GPR139: variants seen among roughly 807,000 people sequenced by gnomAD.
The protein encoded by GPR139 is G protein-coupled receptor 139, also known as probable G protein-coupled receptor 139.
In GPR139, 12 loss-of-function variants were observed where a neutral mutation model predicts 25.8. That is an observed-to-expected ratio of 0.47 (90% CI 0.30 to 0.75). The LOEUF is 0.75. Among genes scored for constraint, GPR139 ranks in the 30% least tolerant of loss-of-function variants. The pLI is 0.07. For synonymous variants in GPR139, 184 were observed against 179.9 expected (o/e 1.02, Z -0.18); for missense variants, 380 against 450.2 (o/e 0.84, Z 1.41).
rs573627617 is a variant in GPR139, at chr16:20,031,629, G to A, written c.*106C>T. 1.2e-6 allele frequency: 1 copy of A among 833,100 alleles called. No homozygotes were observed. The highest frequency in any genetic ancestry group is 1.7e-5 in the African/African-American group (1 of 59,050). The allele number at this position is 833,100 out of a possible 1,614,324, so 51.6% of individuals were successfully genotyped here. A position where few individuals can be genotyped will look rare whatever the true frequency, so the allele number is the denominator to read the frequency against. On this transcript the variant is annotated 3_prime_UTR_variant, in exon 2 of 2. Transcript: ENST00000570682. Reference sequence around the variant, plus strand: ...AGAATTGCCCAGTCTGCGGGAGACAGGAAATCGGATTAGCACTCTTAAGGA... The same window carrying A: ...AGAATTGCCCAGTCTGCGGGAGACAAGAAATCGGATTAGCACTCTTAAGGA...
rs1458665150 is a variant in GPR139 at position 20,028,663 on chromosome 16, G to T, written c.*3072C>A. On this transcript the variant is annotated 3_prime_UTR_variant, in exon 2 of 2. Transcript: ENST00000570682. Reference sequence around the variant, plus strand: ...CACAAGTTCGTGCCCACTCCGGTCTGTCTTTTATGGTTTGTCTGTCATTCC... The same window carrying T: ...CACAAGTTCGTGCCCACTCCGGTCTTTCTTTTATGGTTTGTCTGTCATTCC... Among the ~76,000 whole-genome samples, 2 of 152,144 alleles carry T rather than the reference G, an allele frequency of 1.3e-5. No homozygotes were observed. Among genetic ancestry groups the T allele is most frequent in the African/African-American group, 4.8e-5 (2 of 41,448 alleles).
chr16:20,037,022 A>G (rs2057312334), intron 1 of GPR139, among the ~76,000 whole-genome samples: 1 of 152,238 alleles, frequency 6.6e-6, no homozygotes, highest in African/African-American at 2.4e-5. Flanking sequence ...AGGGAGACAG[A>G]CAATAAATAA....
intron 1 of GPR139, among the ~76,000 whole-genome samples, chr16:20,046,778 G>GA (rs1301928793): frequency 2.0e-5 from 3 of 152,016 alleles, no homozygotes; most frequent in Admixed American, 1.3e-4. Context: ...TTAAAACAAA[G>GA]AAAAAAATGG....
chr16:20,072,220 G>A (rs1317431375), intron 1 of GPR139, among the ~76,000 whole-genome samples: 2 of 152,166 alleles, frequency 1.3e-5, no homozygotes, highest in Admixed American at 6.6e-5. Flanking sequence ...CACTGGCTTG[G>A]GGAGAGAGGC....
chr16:20,036,896 C>A (rs1305333770), intron 1 of GPR139, among the ~76,000 whole-genome samples: 1 of 152,184 alleles, frequency 6.6e-6, no homozygotes, highest in Non-Finnish European at 1.5e-5. Flanking sequence ...AGAGTCCATT[C>A]ATGCAGCAAA....
Position 20,037,071 on chromosome 16 carries a change from A to G in GPR139, c.128-4402T>C, listed in dbSNP as rs1434157182. Reference sequence around the variant, plus strand: ...TGCACAACAGAATGTCAGATGTGATACTAGGAAGAATAACACCAAGGGATG... The same window carrying G: ...TGCACAACAGAATGTCAGATGTGATGCTAGGAAGAATAACACCAAGGGATG... On this transcript the variant is annotated intron_variant, in intron 1 of 1. Transcript: ENST00000570682. Among the ~76,000 whole-genome samples the G allele has an allele frequency of 2.0e-5, 3 of 152,218 alleles. No homozygotes were observed. The East Asian group carries it at 5.8e-4, about 29-fold the overall frequency.
At position 20,031,515 on chromosome 16, in the gene GPR139, A is replaced by T. The variant is rs901439587; in HGVS notation, c.*220T>A. ...CAAACTGGTAGGAGCTTTTGCTGTC[A>T]TTACGACTCTGTGGAAATAAATGCA... On this transcript the variant is annotated 3_prime_UTR_variant, in exon 2 of 2. Coordinates refer to ENST00000570682, the MANE Select transcript of GPR139 (RefSeq NM_001002911.4). 18 of 566,116 alleles carry T rather than the reference A, an allele frequency of 3.2e-5. No individual in the cohort carries two copies. Among genetic ancestry groups the T allele is most frequent in the Admixed American group, 6.1e-5 (2 of 32,652 alleles). The allele number at this position is 566,116 out of a possible 1,614,324, so 35.1% of individuals were successfully genotyped here.
chr16:20,063,209 C>T (rs1019642293), intron 1 of GPR139, among the ~76,000 whole-genome samples: 9 of 152,212 alleles, frequency 5.9e-5, no homozygotes, highest in Admixed American at 2.6e-4. Flanking sequence ...CACAAATCAG[C>T]CTCCCTTCCC....
chr16:20,072,302 A>C (rs1388001291), intron 1 of GPR139, among the ~76,000 whole-genome samples: 1 of 152,158 alleles, frequency 6.6e-6, no homozygotes, highest in Non-Finnish European at 1.5e-5. Flanking sequence ...AAACAATCTC[A>C]TCAGGGGCCC....
intron 1 of GPR139, among the ~76,000 whole-genome samples, chr16:20,036,148 G>A (rs775718639): frequency 2.0e-5 from 3 of 152,144 alleles, no homozygotes; most frequent in Non-Finnish European, 4.4e-5. Flanking sequence ...ACAAAACTTT[G>A]GTGAAGGGCC....
Position 20,028,663 on chromosome 16 carries a change from G to C in GPR139, c.*3072C>G, listed in dbSNP as rs1458665150. Reference sequence around the variant, plus strand: ...CACAAGTTCGTGCCCACTCCGGTCTGTCTTTTATGGTTTGTCTGTCATTCC... The same window carrying C: ...CACAAGTTCGTGCCCACTCCGGTCTCTCTTTTATGGTTTGTCTGTCATTCC... On this transcript the variant is annotated 3_prime_UTR_variant, in exon 2 of 2. Transcript: ENST00000570682. Among the ~76,000 whole-genome samples, 1 of 152,262 alleles carries C rather than the reference G, an allele frequency of 6.6e-6. No homozygotes were observed. The highest frequency in any genetic ancestry group is 6.5e-5 in the Admixed American group (1 of 15,290).
At chr16:20,049,039 T>C (rs2057363311) in intron 1 of GPR139, among the ~76,000 whole-genome samples, 1 of 152,228 alleles carries the variant, frequency 6.6e-6, no homozygotes, top group Non-Finnish European at 1.5e-5. Flanking sequence ...AGCACCTCAC[T>C]GGCCAGAGTA....
intron 1 of GPR139, among the ~76,000 whole-genome samples, chr16:20,044,950 C>A (rs2057348812): frequency 6.6e-6 from 1 of 151,216 alleles, no homozygotes; most frequent in Non-Finnish European, 1.5e-5. Flanking sequence ...CTTTATTGAG[C>A]ACTGACTGTA....
chr16:20,065,641 T>A (rs1012230641), intron 1 of GPR139, among the ~76,000 whole-genome samples: 1 of 152,148 alleles, frequency 6.6e-6, no homozygotes, highest in Non-Finnish European at 1.5e-5. Flanking sequence ...GAAGCTGAGA[T>A]GGGTGGATCA....
intron 1 of GPR139, among the ~76,000 whole-genome samples, chr16:20,052,788 C>CAAAA (rs56189908): frequency 2.5e-5 from 3 of 121,948 alleles, no homozygotes; most frequent in African/African-American, 5.6e-5. Flanking sequence ...GACTCCATCT[C>CAAAA]AAAAAAAAAA....
intron 1 of GPR139, among the ~76,000 whole-genome samples, chr16:20,033,678 T>C (rs1281057042): frequency 6.6e-6 from 1 of 152,192 alleles, no homozygotes; most frequent in African/African-American, 2.4e-5. Context: ...GTTTTTGGAA[T>C]AGGTAATCTA....
chr16:20,051,396 G>T (rs73529702), intron 1 of GPR139, among the ~76,000 whole-genome samples: 4 of 152,046 alleles, frequency 2.6e-5, no homozygotes, highest in Non-Finnish European at 4.4e-5. Flanking sequence ...CCAGCTGCCC[G>T]CTCCCCAAGG....
intron 1 of GPR139, among the ~76,000 whole-genome samples, chr16:20,053,371 T>A (rs1017984400): frequency 9.9e-5 from 15 of 152,166 alleles, no homozygotes; most frequent in African/African-American, 3.6e-4. Context: ...AGGAAGAGGA[T>A]CTTCCCTGCC....
At chr16:20,065,385 C>T (rs2057428326) in intron 1 of GPR139, among the ~76,000 whole-genome samples, 1 of 152,130 alleles carries the variant, frequency 6.6e-6, no homozygotes, top group African/African-American at 2.4e-5. Flanking sequence ...TGGTCACTCC[C>T]ACTTCTCTCG....
Sources: allele counts gnomAD v4.1 joint callset (sites outside exome capture counted in the v4.1 genomes callset), GRCh38; gene constraint gnomAD v4.1.1; transcripts MANE v1.5; gene names NCBI Gene and HGNC (gene_info 2026-07-23, HGNC 2026-07-21).